The following TTC28 variants were observed in gnomAD, a reference collection of about 807,000 sequenced individuals.
The protein encoded by TTC28 is tetratricopeptide repeat protein 28.
In TTC28, 61 loss-of-function variants were observed where a neutral mutation model predicts 198.0. The ratio of observed to expected loss-of-function variants is 0.31; its 90% CI spans 0.25 to 0.38. The LOEUF (loss-of-function observed/expected upper bound fraction) is 0.38. TTC28 is among the 10% of genes least tolerant of loss of function. The pLI is 1.00. For synonymous variants in TTC28, 1,171 were observed against 1,297.8 expected, an observed-to-expected ratio of 0.90 and a Z score of 2.10; for missense variants, 2,678 against 3,164.0, an observed-to-expected ratio of 0.85 and a Z score of 3.69.
chr22:28,230,450 A>C (rs986948171), intron 5 of TTC28, among the ~76,000 whole-genome samples: 1 of 152,182 alleles, frequency 6.6e-6, no homozygotes, highest in Non-Finnish European at 1.5e-5. Context: ...ACTACAACAT[A>C]AGACTGAGTC....
At chr22:28,503,379 T>C (rs555966411) in intron 2 of TTC28, among the ~76,000 whole-genome samples, 6 of 152,340 alleles carry the variant, frequency 3.9e-5, no homozygotes, top group South Asian at 2.1e-4. Context: ...TCTTAGGATA[T>C]ATGTACCATG....
At chr22:28,223,832 G>T (rs1928073555) in intron 5 of TTC28, among the ~76,000 whole-genome samples, 1 of 152,102 alleles carries the variant, frequency 6.6e-6, no homozygotes, top group Non-Finnish European at 1.5e-5. Context: ...ACATTATAAA[G>T]AAATAAAAAC....
At chr22:28,497,318 A>G (rs1346546262) in intron 2 of TTC28, among the ~76,000 whole-genome samples, 1 of 152,208 alleles carries the variant, frequency 6.6e-6, no homozygotes, top group Non-Finnish European at 1.5e-5. Flanking sequence ...ATACAAAATA[A>G]ATTATTTCTT....
intron 1 of TTC28, among the ~76,000 whole-genome samples, chr22:28,647,711 C>T (rs1051434868): frequency 1.3e-5 from 2 of 151,008 alleles, no homozygotes; most frequent in African/African-American, 2.4e-5. Flanking sequence ...TGGTGGCAGG[C>T]GCCTGTAGTC....
At chr22:28,506,484 C>T (rs181702647) in intron 2 of TTC28, among the ~76,000 whole-genome samples, 3 of 152,222 alleles carry the variant, frequency 2.0e-5, no homozygotes, top group Non-Finnish European at 4.4e-5. Context: ...TTCCGGTCTA[C>T]CAGCTTTGGA....
chr22:28,564,507 T>C (rs2049940090), intron 2 of TTC28, among the ~76,000 whole-genome samples: 1 of 152,098 alleles, frequency 6.6e-6, no homozygotes, highest in African/African-American at 2.4e-5. Context: ...ACCATTAATT[T>C]ACTAATTTTT....
intron 2 of TTC28, among the ~76,000 whole-genome samples, chr22:28,503,870 G>A (rs2048568610): frequency 6.6e-6 from 1 of 152,192 alleles, no homozygotes; most frequent in Admixed American, 6.5e-5. Flanking sequence ...TCACAAGAAA[G>A]CGTGTCAGGT....
intron 13 of TTC28, among the ~76,000 whole-genome samples, chr22:28,016,326 T>A (rs1938374894): frequency 6.6e-6 from 1 of 152,144 alleles, no homozygotes; most frequent in Non-Finnish European, 1.5e-5. Context: ...AATTCTCCCC[T>A]CAAGGAGAGA....
chr22:28,195,807 A>T (rs1569191049), intron 5 of TTC28, among the ~76,000 whole-genome samples: 1 of 147,186 alleles, frequency 6.8e-6, no homozygotes, highest in Non-Finnish European at 1.5e-5. Flanking sequence ...AAATGGAAGA[A>T]CATTCCATGC....
intron 2 of TTC28, among the ~76,000 whole-genome samples, chr22:28,329,913 T>C (rs1349495562): frequency 6.6e-6 from 1 of 152,236 alleles, no homozygotes; most frequent in African/African-American, 2.4e-5. Context: ...TCTCTTCTCC[T>C]GACAATTTGC....
In TTC28 at chr22:28,526,732, T is replaced by A. The variant is rs185317428; in HGVS notation, c.381+102820A>T. Among the ~76,000 whole-genome samples, 11 of 152,196 alleles carry A rather than the reference T, an allele frequency of 7.2e-5. No individual in the cohort carries two copies. In the East Asian group the frequency reaches 2.1e-3, roughly 29 times the overall value. The stretch of plus-strand genomic sequence containing the variant: ...ACTACAGGAGAGAGGAAGAAGCTAA[T>A]CTGTTTTTTTGTTTGTTTGTTTTTT... On this transcript the variant is annotated intron_variant, in intron 2 of 22. Transcript: ENST00000397906.
chr22:28,537,596 G>A lies in TTC28; in HGVS notation c.381+91956C>T, dbSNP rs561969496. Among the ~76,000 whole-genome samples, 104 of 151,926 alleles carry A rather than the reference G, an allele frequency of 6.8e-4. 1 individual carries two copies. Among genetic ancestry groups the A allele is most frequent in the East Asian group, 3.9e-4 (2 of 5,164 alleles). ...AAGAATGAAGGAAAGACCAAGAAGCGTAAAAGATTGATAGATCAAAATGTA... is the reference window on the plus strand; with the variant it reads ...AAGAATGAAGGAAAGACCAAGAAGCATAAAAGATTGATAGATCAAAATGTA... On this transcript the variant is annotated intron_variant, in intron 2 of 22. Coordinates refer to ENST00000397906, the MANE Select transcript of TTC28 (RefSeq NM_001145418.2).
intron 2 of TTC28, among the ~76,000 whole-genome samples, chr22:28,544,089 C>T (rs1254552506): frequency 6.6e-6 from 1 of 152,048 alleles, no homozygotes; most frequent in Non-Finnish European, 1.5e-5. Flanking sequence ...GGCGTGGTGG[C>T]GGGCACCTGT....
intron 2 of TTC28, among the ~76,000 whole-genome samples, chr22:28,541,085 A>G (rs886415725): frequency 6.6e-6 from 1 of 152,260 alleles, no homozygotes; most frequent in Non-Finnish European, 1.5e-5. Context: ...CCAAAGTGTT[A>G]TGAACTACAT....
chr22:28,677,464 T>C (rs1264270617), intron 1 of TTC28, among the ~76,000 whole-genome samples: 8 of 151,526 alleles, frequency 5.3e-5, no homozygotes, highest in Admixed American at 3.3e-4. Flanking sequence ...CTGGCCAACA[T>C]AGGGAAACCC....
chr22:28,620,065 A>G (rs2050968253), intron 2 of TTC28, among the ~76,000 whole-genome samples: 2 of 152,142 alleles, frequency 1.3e-5, no homozygotes, highest in Admixed American at 1.3e-4. Flanking sequence ...ACAATAGCCA[A>G]CATCGGCCGG....
chr22:28,581,566 A>T (rs1332577704), intron 2 of TTC28, among the ~76,000 whole-genome samples: 1 of 152,240 alleles, frequency 6.6e-6, no homozygotes, highest in Admixed American at 6.5e-5. Flanking sequence ...TCAAACACAT[A>T]CATACAATTT....
intron 12 of TTC28, among the ~76,000 whole-genome samples, chr22:28,087,262 A>G (rs1417301641): frequency 2.6e-5 from 4 of 152,244 alleles, no homozygotes; most frequent in African/African-American, 9.6e-5. Flanking sequence ...AAAATCCTCA[A>G]TAAAATAATG....
chr22:28,168,149 C>T (rs557002761), intron 5 of TTC28, among the ~76,000 whole-genome samples: 2 of 152,270 alleles, frequency 1.3e-5, no homozygotes, highest in South Asian at 4.1e-4. Flanking sequence ...GAACTACAAA[C>T]CACTGCTCAA....
Sources: allele counts gnomAD v4.1 joint callset (sites outside exome capture counted in the v4.1 genomes callset), GRCh38; gene constraint gnomAD v4.1.1; transcripts MANE v1.5; gene names NCBI Gene and HGNC (gene_info 2026-07-23, HGNC 2026-07-21).